The following EHMT1 variants were observed in gnomAD, a reference collection of about 807,000 sequenced individuals.
The protein encoded by EHMT1 is euchromatic histone lysine methyltransferase 1, also known as histone-lysine N-methyltransferase EHMT1.
Under a neutral mutation model 147.2 loss-of-function variants are expected in EHMT1, and 15 were observed. That is an observed-to-expected ratio of 0.10 (90% CI 0.07 to 0.16). EHMT1 has a LOEUF of 0.16. Ranked by LOEUF, EHMT1 falls within the 10% of genes least tolerant of loss-of-function variation. The pLI, the probability that EHMT1 is intolerant of heterozygous loss-of-function variation, is 1.00. For missense variants in EHMT1, 1,587 were observed against 1,772.4 expected, an observed-to-expected ratio of 0.90 and a Z score of 1.88; for synonymous variants, 795 against 709.6, an observed-to-expected ratio of 1.12 and a Z score of -1.91.
intron 1 of EHMT1, among the ~76,000 whole-genome samples, chr9:137,677,349 G>A (rs1941460339): frequency 6.6e-6 from 1 of 152,058 alleles, no homozygotes; most frequent in Non-Finnish European, 1.5e-5. Flanking sequence ...TGCCCAGGCT[G>A]GTCTTGAACT....
At chr9:137,807,703 TC>T (rs1376791329) in intron 18 of EHMT1, among the ~76,000 whole-genome samples, 1 of 152,080 alleles carries the variant, frequency 6.6e-6, no homozygotes, top group Non-Finnish European at 1.5e-5. Context: ...AGGCGGGGTT[TC>T]ACCACGTTGC....
chr9:137,636,769 T>C (rs753884954), intron 1 of EHMT1, among the ~76,000 whole-genome samples: 1 of 152,186 alleles, frequency 6.6e-6, no homozygotes, highest in African/African-American at 2.4e-5. Context: ...TTTTAAATCT[T>C]GTTGAGTTTG....
Position 137,667,779 on chromosome 9 carries a change from G to A in EHMT1, c.22-43188G>A, listed in dbSNP as rs538960640. Among the ~76,000 whole-genome samples the A allele has an allele frequency of 5.6e-4, 85 of 152,254 alleles. No homozygotes were observed. The South Asian group carries it at 0.018, about 32-fold the overall frequency. On this transcript the variant is annotated intron_variant, in intron 1 of 26. Transcript: ENST00000460843. ...AAAGCGTTGTATTTTTAGAGAACTC[G>A]GGGAGGAAAACGCTGTTGTGCTGCT...
At position 137,717,150 on chromosome 9, in the gene EHMT1, C is replaced by G; in HGVS notation, c.610C>G (p.Arg204Gly). Residue 204 changes from arginine to glycine, a missense_variant, in exon 3 of 27, where the codon CGC becomes GGC. Physicochemically the swap from Arg to Gly is moderately radical, Grantham distance 125 (BLOSUM62 -2). Transcript: ENST00000460843. ...PGADVKVHRA[R>G]KTMPKSVVGL... ...CGCCGACGTCAAGGTCCACAGGGCACGCAAGACCATGCCGAAGTCCGTCGT... is the reference window on the plus strand; with the variant it reads ...CGCCGACGTCAAGGTCCACAGGGCAGGCAAGACCATGCCGAAGTCCGTCGT... 1 of 1,612,496 alleles carries G rather than the reference C, an allele frequency of 6.2e-7. No individual in the cohort carries two copies. Among genetic ancestry groups the G allele is most frequent in the Non-Finnish European group, 8.5e-7 (1 of 1,179,970 alleles).
In EHMT1 at chr9:137,743,892, C is replaced by T. The variant is rs746250600; in HGVS notation, c.982-10C>T. 20 of 1,607,482 alleles carry T rather than the reference C, an allele frequency of 1.2e-5. No individual in the cohort carries two copies. Among genetic ancestry groups the T allele is most frequent in the Admixed American group, 3.4e-5 (2 of 59,164 alleles). ...TCCTGCCTTGGGGTATACACCTGCCCGTGTTCTAGGGGGAGAAGGACCTGG... is the reference window on the plus strand; with the variant it reads ...TCCTGCCTTGGGGTATACACCTGCCTGTGTTCTAGGGGGAGAAGGACCTGG... On this transcript the variant is annotated splice_polypyrimidine_tract_variant and intron_variant, in intron 5 of 26. Transcript: ENST00000460843.
In EHMT1 at chr9:137,754,281, C is replaced by T. The variant is rs545055517; in HGVS notation, c.1359C>T (p.Ser453=). ...KRRRRSRKKP[S]GALGSESYKS... ...GGCGGAGAAGTAGAAAGAAGCCCAG[C>T]GGTGCCCTCGGTAAATGCCGTGGGG... Residue 453 remains serine, a synonymous_variant, in exon 8 of 27, where the codon AGC becomes AGT. Transcript: ENST00000460843. The T allele has an allele frequency of 1.4e-4, 227 of 1,613,950 alleles. No homozygotes were observed. The highest frequency in any genetic ancestry group is 1.2e-3 in the South Asian group (110 of 91,072).
intron 10 of EHMT1, among the ~76,000 whole-genome samples, chr9:137,773,067 T>C (rs1362675235): frequency 1.3e-5 from 2 of 152,162 alleles, no homozygotes; most frequent in Non-Finnish European, 2.9e-5. Context: ...TGCATGCCGA[T>C]TGTAAAATAA....
At position 137,813,041 on chromosome 9, in the gene EHMT1, A is replaced by G; in HGVS notation, c.2903A>G (p.Lys968Arg). 6.2e-7 allele frequency: 1 copy of G among 1,614,076 alleles called. No individual in the cohort carries two copies. The highest frequency in any genetic ancestry group is 8.5e-7 in the Non-Finnish European group (1 of 1,180,024). The stretch of plus-strand genomic sequence containing the variant: ...TCTCGGGATTCAGATGTCACCTTAA[A>G]GAACAAGGAAGGAGAGACGCCCCTG... ...FLSRDSDVTL[K>R]NKEGETPLQC... The change falls in exon 20 of 27, where the codon AAG becomes AGG. Residue 968 changes from lysine to arginine, a missense_variant. This residue lies in a region of EHMT1 where 201 missense variants were observed against 350.1 expected (regional missense o/e 0.57). Transcript: ENST00000460843. This position sits in a 1 kb window ranked among gnomAD's most constrained non-coding sequence, Gnocchi z 4.9.
At chr9:137,834,276 A>G (rs1588946819) in intron 25 of EHMT1, 73 bp from the exon 26 acceptor site, 1 of 1,588,970 alleles carries the variant, frequency 6.3e-7, no homozygotes, top group Non-Finnish European at 8.5e-7. Flanking sequence ...ACTGCCATGC[A>G]TGGCCGTACC....
At chr9:137,719,763 G>T (rs1945746422) in intron 3 of EHMT1, among the ~76,000 whole-genome samples, 1 of 152,176 alleles carries the variant, frequency 6.6e-6, no homozygotes, top group African/African-American at 2.4e-5. Context: ...CGTGCAGGGT[G>T]TTCTGTGCAG....
At chr9:137,711,052 G>C in intron 2 of EHMT1, 22 bp downstream of exon 2, 1 of 1,578,300 alleles carries the variant, frequency 6.3e-7, no homozygotes, top group Non-Finnish European at 8.6e-7. Flanking sequence ...GTGCACCGAG[G>C]GACAGGAGCA....
intron 14 of EHMT1, among the ~76,000 whole-genome samples, chr9:137,781,645 T>C (rs1951566454): frequency 6.6e-6 from 1 of 152,212 alleles, no homozygotes; most frequent in East Asian, 1.9e-4. Context: ...TTCCCAGTGA[T>C]AATTTGGTCT....
At chr9:137,689,702 CAAAAG>C (rs1942771451) in intron 1 of EHMT1, among the ~76,000 whole-genome samples, 1 of 152,026 alleles carries the variant, frequency 6.6e-6, no homozygotes, top group African/African-American at 2.4e-5. Context: ...GACTCCGTCT[CAAAAG>C]AAAAAGAAAA....
intron 10 of EHMT1, among the ~76,000 whole-genome samples, chr9:137,770,361 G>A (rs1950513490): frequency 6.6e-6 from 1 of 152,196 alleles, no homozygotes; most frequent in Non-Finnish European, 1.5e-5. Context: ...GGTACTGTTT[G>A]TTTCTAGCGT....
intron 26 of EHMT1, 124 bp from the exon 27 acceptor site, chr9:137,834,649 C>G (rs1297793972): frequency 1.3e-6 from 2 of 1,594,926 alleles, no homozygotes; most frequent in African/African-American, 1.3e-5. Context: ...GTTCTAAAAA[C>G]TGCGACCTGG....
In EHMT1 at chr9:137,726,733, A is replaced by G. The variant is rs558373458; in HGVS notation, c.643-1616A>G. Among the ~76,000 whole-genome samples the G allele has an allele frequency of 5.3e-5, 8 of 152,310 alleles. No individual in the cohort carries two copies. The South Asian group carries it at 1.0e-3, about 20-fold the overall frequency. On this transcript the variant is annotated intron_variant, in intron 3 of 26. Coordinates refer to ENST00000460843, the MANE Select transcript of EHMT1 (RefSeq NM_024757.5). Reference sequence around the variant, plus strand: ...GTTTCACTTCCTACCAGCAGTGCACAAGGGTTCCCATTTCTCCAGTTCTCA... The same window carrying G: ...GTTTCACTTCCTACCAGCAGTGCACGAGGGTTCCCATTTCTCCAGTTCTCA...
At chr9:137,796,145 CGCGCTT>C (rs1564778057) in intron 16 of EHMT1, among the ~76,000 whole-genome samples, 1 of 152,188 alleles carries the variant, frequency 6.6e-6, no homozygotes, top group Non-Finnish European at 1.5e-5. Flanking sequence ...GCTGGAGAAG[CGCGCTT>C]GCACGTGGCA....
chr9:137,691,715 T>G (rs978776782), intron 1 of EHMT1, among the ~76,000 whole-genome samples: 5 of 152,246 alleles, frequency 3.3e-5, no homozygotes, highest in Non-Finnish European at 5.9e-5. Flanking sequence ...TTTTGCATTC[T>G]CACTAGCAGC....
chr9:137,780,482 CGT>C (rs1432712114), intron 14 of EHMT1, among the ~76,000 whole-genome samples: 1 of 55,074 alleles, frequency 1.8e-5, no homozygotes, highest in Non-Finnish European at 3.3e-5. Flanking sequence ...GACGCTGAGA[CGT>C]GTGGTGATGA....
Sources: allele counts gnomAD v4.1 joint callset (sites outside exome capture counted in the v4.1 genomes callset), GRCh38; gene constraint gnomAD v4.1.1; regional missense constraint gnomAD v4.1.1; non-coding constraint Gnocchi (gnomAD v3.1); transcripts MANE v1.5; gene names NCBI Gene and HGNC (gene_info 2026-07-23, HGNC 2026-07-21).